Variants in AZU1 observed in about 807,000 individuals in gnomAD.
AZU1 encodes azurocidin.
AZU1 carries 21 observed loss-of-function variants against 17.8 expected under a neutral mutation model. That is an observed-to-expected ratio of 1.18 (90% confidence interval 0.84 to 1.70). The LOEUF (loss-of-function observed/expected upper bound fraction) is 1.70. AZU1 is among the 40% of genes most tolerant of loss of function. The pLI, the probability that AZU1 is intolerant of heterozygous loss-of-function variation, is 0.00. For missense variants in AZU1, 379 were observed against 362.9 expected, an observed-to-expected ratio of 1.04 and a Z score of -0.36; for synonymous variants, 178 against 155.2, an observed-to-expected ratio of 1.15 and a Z score of -1.09.
Position 830,861 on chromosome 19 carries a change from G to T in AZU1, c.514G>T (p.Val172Leu). Residue 172 changes from valine (V) to leucine (L), a missense_variant, in exon 4 of 5, where the codon GTG (valine) becomes TTG (leucine). By Grantham distance (32) the Val-to-Leu change is conservative. Transcript: ENST00000233997. ...RLSRFPRFVN[V>L]TVTPEDQCRP... ...CTCCCGTTTTCCCAGGTTTGTCAAC[G>T]TGACTGTGACCCCCGAGGACCAGTG... 1.2e-6 allele frequency: 2 copies of T among 1,607,746 alleles called. No individual in the cohort carries two copies. The highest frequency in any genetic ancestry group is 1.7e-6 in the Non-Finnish European group (2 of 1,179,974).
chr19:830,581 C>T (rs2035274720), intron 3 of AZU1, 127 bp from the exon 4 acceptor site: 1 of 852,152 alleles, frequency 1.2e-6, no homozygotes, highest in Non-Finnish European at 1.7e-6. Flanking sequence ...CACCCGGCCC[C>T]TGCCGGGAAT....
In AZU1 at chr19:830,930, G is replaced by A. The variant is rs771828264; in HGVS notation, c.583G>A (p.Gly195Ser). Reference protein sequence around the residue: ...VCTGVLTRRGGICNGDGGTPL... With the variant: ...VCTGVLTRRGSICNGDGGTPL... ...CACCGGTGTGCTCACCCGCCGCGGT[G>A]GCATCTGCAATGTGAGTGCTCCCTG... Residue 195 changes from glycine to serine, a missense_variant, in exon 4 of 5, where the codon GGC (glycine) becomes AGC (serine). Physicochemically the swap from Gly to Ser is moderately conservative, Grantham distance 56 (BLOSUM62 0). Transcript: ENST00000233997. 5 of 1,601,600 alleles carry A rather than the reference G, an allele frequency of 3.1e-6. No homozygotes were observed. Among genetic ancestry groups the A allele is most frequent in the Non-Finnish European group, 4.2e-6 (5 of 1,179,902 alleles).
chr19:830,120 C>T (rs962294627), intron 3 of AZU1, among the ~76,000 whole-genome samples: 3 of 152,066 alleles, frequency 2.0e-5, no homozygotes, highest in South Asian at 2.1e-4. Context: ...ATTAGCCAGG[C>T]ATGGCAGCGG....
In AZU1 at chr19:829,936, A is replaced by ATATGTG. The variant is rs368933425; in HGVS notation, c.360+231_360+232insATGTGT. 2.1e-3 allele frequency among the ~76,000 whole-genome samples: 293 copies of ATATGTG among 137,852 alleles called. 1 individual carries two copies. Among genetic ancestry groups the ATATGTG allele is most frequent in the African/African-American group, 7.7e-3 (274 of 35,714 alleles). The allele number at this position is 137,852 out of a possible 152,430, so 90.4% of individuals were successfully genotyped here. ...AAACTCAGTCTCTACAAAAATATATATGTGTGTGTGTGTGTGTGTGTGTGT... is the reference window on the plus strand; with the variant it reads ...AAACTCAGTCTCTACAAAAATATATATATGTGTGTGTGTGTGTGTGTGTGTGTGTGT... On this transcript the variant is annotated intron_variant, in intron 3 of 4. Coordinates refer to ENST00000233997, the MANE Select transcript of AZU1 (RefSeq NM_001700.5).
At chr19:831,007 G>A (rs1474479528) in intron 4 of AZU1, 66 bp downstream of exon 4, 1 of 1,500,158 alleles carries the variant, frequency 6.7e-7, no homozygotes. Flanking sequence ...GCAGGAGAAA[G>A]CAAGTGCAGG....
chr19:829,555 C>G lies in AZU1; in HGVS notation c.216-7C>G, dbSNP rs144713752. ...CCTCCCTCTGCCCTTTCCTCCGCTA[C>G]TCTCAGGAACCCCGGGGTTAGCACC... is the stretch of plus-strand genomic sequence containing the variant. On this transcript the variant is annotated splice_polypyrimidine_tract_variant and splice_region_variant and intron_variant, in intron 2 of 4. Coordinates refer to ENST00000233997, the MANE Select transcript of AZU1 (RefSeq NM_001700.5). 22,351 of 1,612,130 alleles carry G rather than the reference C, an allele frequency of 0.014. 202 individuals carry two copies. The highest frequency in any genetic ancestry group is 0.045 in the Admixed American group (2,727 of 59,982).
intron 4 of AZU1, 194 bp from the exon 5 acceptor site, chr19:831,522 A>C (rs1444886829): frequency 3.2e-6 from 2 of 621,364 alleles, no homozygotes; most frequent in East Asian, 2.9e-5. Context: ...TGGAGGTGCC[A>C]GGAAGCTCCA....
In AZU1 at chr19:828,329, G is replaced by A; in HGVS notation, c.158G>A (p.Gly53Glu). ...SIQNQGRHFC[G>E]GALIHARFVM... is the part of the protein sequence containing the mutation. ...CAGAATCAAGGCAGGCACTTCTGCG[G>A]GGGTGCCCTGATCCATGCCCGCTTC... The change falls in exon 2 of 5, where the codon GGG (glycine) becomes GAG (glutamate). Residue 53 changes from glycine to glutamate, a missense_variant. By Grantham distance (98) the Gly-to-Glu change is moderately conservative. Coordinates refer to ENST00000233997, the MANE Select transcript of AZU1 (RefSeq NM_001700.5). The A allele has an allele frequency of 1.2e-6, 2 of 1,610,890 alleles. No homozygotes were observed. Among genetic ancestry groups the A allele is most frequent in the Non-Finnish European group, 1.7e-6 (2 of 1,179,066 alleles).
intron 2 of AZU1, 98 bp from the exon 3 acceptor site, chr19:829,464 C>A (rs2035258951): frequency 6.8e-7 from 1 of 1,465,754 alleles, no homozygotes; most frequent in Non-Finnish European, 9.2e-7. Context: ...GGATTGCAGT[C>A]TGCAGGCTGG....
chr19:828,887 T>C (rs2035248284), intron 2 of AZU1, among the ~76,000 whole-genome samples: 1 of 118,888 alleles, frequency 8.4e-6, no homozygotes, highest in African/African-American at 3.3e-5. Flanking sequence ...GGGCCTCAGA[T>C]GGAGGAGGTG....
At chr19:828,782 G>C (rs1303607599) in intron 2 of AZU1, among the ~76,000 whole-genome samples, 5 of 105,642 alleles carry the variant, frequency 4.7e-5, no homozygotes, top group African/African-American at 1.1e-4. Flanking sequence ...AGGGAAGGGG[G>C]TCAGATGGGG....
rs112932668 is a variant in AZU1, at chr19:831,040, G to C, written c.594+99G>C. The C allele has an allele frequency of 2.9e-3, 3,548 of 1,232,870 alleles. 84 individuals carry two copies. In the African/African-American group the frequency reaches 0.048, roughly 17 times the overall value. The allele number at this position is 1,232,870 out of a possible 1,614,324, so 76.4% of individuals were successfully genotyped here. ...AGGCTGAGGGCGGCACAGCAGGGGG[G>C]CCCCAGGATTGAGCATTTTCACGGT... On this transcript the variant is annotated intron_variant, in intron 4 of 4. Coordinates refer to ENST00000233997, the MANE Select transcript of AZU1 (RefSeq NM_001700.5).
intron 3 of AZU1, 104 bp from the exon 4 acceptor site, chr19:830,604 A>G (rs940520068): frequency 4.9e-6 from 5 of 1,023,292 alleles, no homozygotes; most frequent in African/African-American, 1.6e-5. Context: ...AACGCAAACC[A>G]CTTACAGACT....
chr19:830,638 T>A (rs2035275353), intron 3 of AZU1, 70 bp from the exon 4 acceptor site: 1 of 1,302,750 alleles, frequency 7.7e-7, no homozygotes, highest in Non-Finnish European at 1.0e-6. Flanking sequence ...CTGACACTTC[T>A]GCTCCCAGGG....
At position 828,266 on chromosome 19, in the gene AZU1, A is replaced by G; in HGVS notation, c.95A>G (p.Lys32Arg). ...CTTTTGGACATCGTTGGCGGCCGGAAGGCGAGGCCCCGCCAGTTCCCGTTC... is the reference window on the plus strand; with the variant it reads ...CTTTTGGACATCGTTGGCGGCCGGAGGGCGAGGCCCCGCCAGTTCCCGTTC... ...SPLLDIVGGRKARPRQFPFLA... is the reference protein window; with the variant it reads ...SPLLDIVGGRRARPRQFPFLA... Residue 32 changes from lysine to arginine, a missense_variant, in exon 2 of 5, where the codon AAG becomes AGG. By Grantham distance (26) the Lys-to-Arg change is conservative. Transcript: ENST00000233997. 2 of 1,609,144 alleles carry G rather than the reference A, an allele frequency of 1.2e-6. No homozygotes were observed. Among genetic ancestry groups the G allele is most frequent in the Non-Finnish European group, 1.7e-6 (2 of 1,178,820 alleles).
intron 3 of AZU1, 110 bp downstream of exon 3, chr19:829,816 T>C (rs2035264859): frequency 7.1e-7 from 1 of 1,416,414 alleles, no homozygotes; most frequent in East Asian, 2.5e-5. Flanking sequence ...TAGCCGGGAG[T>C]GGTGGCGCGC....
Position 829,611 on chromosome 19 carries a change from C to T in AZU1, c.265C>T (p.Arg89Trp), listed in dbSNP as rs370082761. The T allele has an allele frequency of 1.0e-4, 163 of 1,613,138 alleles. No individual in the cohort carries two copies. Among genetic ancestry groups the T allele is most frequent in the Non-Finnish European group, 1.3e-4 (152 of 1,179,958 alleles). ...VVLGAYDLRR[R>W]ERQSRQTFSI... The stretch of plus-strand genomic sequence containing the variant: ...GCTGGGTGCCTATGACCTGAGGCGG[C>T]GGGAGAGGCAGTCCCGCCAGACGTT... Residue 89 changes from arginine (R) to tryptophan (W), a missense_variant, in exon 3 of 5, where the codon CGG becomes TGG. Transcript: ENST00000233997.
intron 4 of AZU1, chr19:831,256 T>G (rs2035284904): frequency 2.7e-6 from 1 of 364,638 alleles, no homozygotes; most frequent in Non-Finnish European, 5.0e-6. Context: ...AATTTTGTAT[T>G]TTTAGTAGAG....
intron 3 of AZU1, 132 bp from the exon 4 acceptor site, chr19:830,576 G>T: frequency 1.2e-6 from 1 of 804,144 alleles, no homozygotes; most frequent in Admixed American, 3.1e-5. Flanking sequence ...CACCGCACCC[G>T]GCCCCTGCCG....
Sources: allele counts gnomAD v4.1 joint callset (sites outside exome capture counted in the v4.1 genomes callset), GRCh38; gene constraint gnomAD v4.1.1; transcripts MANE v1.5; gene names NCBI Gene and HGNC (gene_info 2026-07-23, HGNC 2026-07-21).